Variants in SBNO1 observed in about 807,000 individuals in gnomAD.
SBNO1 encodes the protein protein strawberry notch homolog 1.
SBNO1 carries 23 observed loss-of-function variants against 173.6 expected under a neutral mutation model. The ratio of observed to expected loss-of-function variants is 0.13; its 90% CI spans 0.10 to 0.19. SBNO1 has a LOEUF of 0.19. Among genes scored for constraint, SBNO1 ranks in the 10% least tolerant of loss-of-function variants. The pLI is 1.00. For missense variants in SBNO1, 1,238 were observed against 1,671.2 expected (o/e 0.74, Z 4.52); for synonymous variants, 632 against 571.5 (o/e 1.11, Z -1.51).
intron 3 of SBNO1, among the ~76,000 whole-genome samples, chr12:123,347,688 C>T (rs1873365952): frequency 6.6e-6 from 1 of 152,068 alleles, no homozygotes; most frequent in African/African-American, 2.4e-5. Context: ...ACCACCACAC[C>T]AAGCTAATTT....
In SBNO1 at chr12:123,356,043, C is replaced by T. The variant is rs76374625; in HGVS notation, c.1-5602G>A. ...TGCTGAGACCTAAAACCAATCTCTA[C>T]AGCTCTGAGCAGACACCAGGGACAT... On this transcript the variant is annotated intron_variant, in intron 1 of 31. Transcript: ENST00000602398. Among the ~76,000 whole-genome samples the T allele has an allele frequency of 9.9e-3, 1,512 of 152,276 alleles. 11 individuals are homozygous for T. Among genetic ancestry groups the T allele is most frequent in the Non-Finnish European group, 0.015 (1,047 of 68,018 alleles).
intron 31 of SBNO1, among the ~76,000 whole-genome samples, chr12:123,296,810 C>T (rs1462858994): frequency 2.0e-5 from 3 of 151,652 alleles, no homozygotes; most frequent in African/African-American, 4.8e-5. Flanking sequence ...CCACCTGCCT[C>T]GGCCTCCCAA....
chr12:123,341,111 ACATTTAGAAGAAAATTCTGAACT>A lies in SBNO1; in HGVS notation c.551-46_551-24del, dbSNP rs760849908. On this transcript the variant is annotated intron_variant, in intron 4 of 31. Transcript: ENST00000602398. ...CAGCTGAGGAGGAAAAAGTCAAATT[ACATTTAGAAGAAAATTCTGAACT>A]TATTTTCCCATTATTTAAAAATCCA... The A allele has an allele frequency of 6.0e-6, 8 of 1,322,642 alleles. No individual in the cohort carries two copies. The African/African-American group carries it at 7.6e-5, about 13-fold the overall frequency. The allele number at this position is 1,322,642 out of a possible 1,614,324, so 81.9% of individuals were successfully genotyped here.
chr12:123,342,640 T>C (rs1294209353), intron 4 of SBNO1, among the ~76,000 whole-genome samples: 3 of 152,232 alleles, frequency 2.0e-5, no homozygotes, highest in African/African-American at 4.8e-5. Flanking sequence ...CTTTCTTCTA[T>C]ACCACTGGTT....
rs1053690911 is a variant in SBNO1 at position 123,289,211 on chromosome 12, G to A, written c.*6697C>T. 1.3e-5 allele frequency: 2 copies of A among 152,116 alleles called. No individual in the cohort carries two copies. Among genetic ancestry groups the A allele is most frequent in the Admixed American group, 6.5e-5 (1 of 15,272 alleles). 9.4% of individuals were successfully genotyped at this position (152,116 alleles called of 1,614,324 possible). On this transcript the variant is annotated 3_prime_UTR_variant, in exon 32 of 32. Transcript: ENST00000602398. ...AAATACAGAATTTGTTACGCTTCAC[G>A]GTTGATCGTTTTTACTTGCAAGAGT... is the stretch of plus-strand genomic sequence containing the variant.
intron 21 of SBNO1, among the ~76,000 whole-genome samples, chr12:123,316,439 G>A (rs1869276452): frequency 6.6e-6 from 1 of 152,032 alleles, no homozygotes; most frequent in Non-Finnish European, 1.5e-5. Flanking sequence ...GGTCATCCTG[G>A]TCTTGAACTC....
Position 123,321,646 on chromosome 12 carries a change from C to G in SBNO1, c.2212G>C (p.Asp738His). The G allele has an allele frequency of 6.2e-7, 1 of 1,614,008 alleles. No individual in the cohort carries two copies. The highest frequency in any genetic ancestry group is 1.1e-5 in the South Asian group (1 of 91,076). The change falls in exon 17 of 32, where the codon GAT becomes CAT. Residue 738 changes from aspartate to histidine, a missense_variant. This residue lies in a region of SBNO1 where 81 missense variants were observed against 82.6 expected (regional missense o/e 0.98). Coordinates refer to ENST00000602398, the MANE Select transcript of SBNO1 (RefSeq NM_001167856.3). The stretch of plus-strand genomic sequence containing the variant: ...TCACTTTCTTCATTATCAGAGGCAT[C>G]AGATTCACTTCCACTGTCGTCAGAA... Reference protein sequence around the residue: ...SSSDDSGSESDASDNEESDYE... With the variant: ...SSSDDSGSESHASDNEESDYE...
chr12:123,363,267 C>T (rs968968643), intron 1 of SBNO1, among the ~76,000 whole-genome samples: 2 of 152,102 alleles, frequency 1.3e-5, no homozygotes, highest in Non-Finnish European at 2.9e-5. Context: ...ATGTCCCACT[C>T]AAGTCACCAG....
rs980977788 is a variant in SBNO1, at chr12:123,342,904, G to C, written c.551-1816C>G. Among the ~76,000 whole-genome samples, 31 of 152,186 alleles carry C rather than the reference G, an allele frequency of 2.0e-4. 1 individual carries two copies. The highest frequency in any genetic ancestry group is 1.0e-4 in the Non-Finnish European group (7 of 68,032). ...TTCATCTATTCTAGCAAAAGATGAAGAGTATTTGGGAGGACTATCACTTAG... is the reference window on the plus strand; with the variant it reads ...TTCATCTATTCTAGCAAAAGATGAACAGTATTTGGGAGGACTATCACTTAG... On this transcript the variant is annotated intron_variant, in intron 4 of 31. Transcript: ENST00000602398.
At chr12:123,360,087 C>CA (rs1222239788) in intron 1 of SBNO1, among the ~76,000 whole-genome samples, 3 of 151,764 alleles carry the variant, frequency 2.0e-5, no homozygotes, top group Non-Finnish European at 4.4e-5. Flanking sequence ...TAAAAACACA[C>CA]AAAAAAATTA....
At chr12:123,357,695 C>T (rs1442855163) in intron 1 of SBNO1, among the ~76,000 whole-genome samples, 4 of 152,198 alleles carry the variant, frequency 2.6e-5, no homozygotes, top group African/African-American at 7.2e-5. Flanking sequence ...GTGGAGGTTA[C>T]AGTGAGCCGA....
intron 29 of SBNO1, among the ~76,000 whole-genome samples, chr12:123,304,088 G>A (rs1264880091): frequency 2.6e-5 from 4 of 151,738 alleles, no homozygotes; most frequent in African/African-American, 9.7e-5. Flanking sequence ...GCAACACTAC[G>A]CCTGGCTATC....
At chr12:123,319,581 G>GT (rs1869715516) in intron 20 of SBNO1, among the ~76,000 whole-genome samples, 1 of 151,270 alleles carries the variant, frequency 6.6e-6, no homozygotes, top group African/African-American at 2.4e-5. Flanking sequence ...CTAAATTTTT[G>GT]TATTTTCAGT....
At chr12:123,349,213 C>T (rs1430684588) in intron 2 of SBNO1, 1 of 152,244 alleles carries the variant, frequency 6.6e-6, no homozygotes, top group East Asian at 1.9e-4. Context: ...GATCCTCCCA[C>T]CTCAGCCTCC....
intron 15 of SBNO1, among the ~76,000 whole-genome samples, chr12:123,324,801 T>C (rs1459360348): frequency 6.6e-6 from 1 of 151,772 alleles, no homozygotes; most frequent in African/African-American, 2.4e-5. Context: ...AAGTAGACTT[T>C]ATTTTATTTT....
intron 6 of SBNO1, among the ~76,000 whole-genome samples, 197 bp downstream of exon 6, chr12:123,336,198 C>G (rs188850268): frequency 6.6e-6 from 1 of 152,038 alleles, no homozygotes; most frequent in Non-Finnish European, 1.5e-5. Context: ...TATATCTTTA[C>G]AATTACCTTT....
intron 4 of SBNO1, among the ~76,000 whole-genome samples, chr12:123,341,511 C>G (rs537229784): frequency 1.3e-5 from 2 of 152,204 alleles, no homozygotes; most frequent in East Asian, 3.9e-4. Flanking sequence ...GTCAATCTGC[C>G]TATAACTAAT....
chr12:123,321,390 G>A, intron 17 of SBNO1, 145 bp downstream of exon 17: 1 of 648,072 alleles, frequency 1.5e-6, no homozygotes, highest in African/African-American at 1.8e-5. Context: ...CTTCCAGAAG[G>A]TAGATAAGCC....
rs1869175990 is a variant in SBNO1 at position 123,315,673 on chromosome 12, T to C, written c.2936-13A>G. The C allele has an allele frequency of 1.3e-6, 2 of 1,514,214 alleles. No homozygotes were observed. Among genetic ancestry groups the C allele is most frequent in the African/African-American group, 2.7e-5 (2 of 72,850 alleles). 93.8% of individuals were successfully genotyped at this position (1,514,214 alleles called of 1,614,324 possible). On this transcript the variant is annotated splice_polypyrimidine_tract_variant and intron_variant, in intron 21 of 31. Coordinates refer to ENST00000602398, the MANE Select transcript of SBNO1 (RefSeq NM_001167856.3). ...CTATGAGTACGTCCTGCAACGAAAT[T>C]TTGTTTTAAAGATCATTGATTGTGT...
Sources: gnomAD v4.1 joint callset for allele counts (sites outside exome capture counted in the v4.1 genomes callset) on GRCh38, gnomAD v4.1.1 for gene constraint, gnomAD v4.1.1 regional missense constraint, MANE v1.5 for transcripts, NCBI Gene and HGNC (gene_info 2026-07-23, HGNC 2026-07-21) for gene names.